Variants in PPP1R3F observed in about 807,000 individuals in gnomAD.
PPP1R3F encodes protein phosphatase 1 regulatory subunit 3F, also known as protein phosphatase 1, regulatory (inhibitor) subunit 3F.
Under a neutral mutation model 24.2 loss-of-function variants are expected in PPP1R3F, and 29 were observed. That is an observed-to-expected ratio of 1.20 (90% CI 0.89 to 1.63). PPP1R3F has a LOEUF of 1.63. PPP1R3F is among the 40% of genes most tolerant of loss of function. PPP1R3F has a pLI of 0.00. For synonymous variants in PPP1R3F, 363 were observed against 340.1 expected (o/e 1.07, Z -0.74); for missense variants, 823 against 729.3 (o/e 1.13, Z -1.48).
At position 49,270,626 on chromosome X, in the gene PPP1R3F, G is replaced by T; in HGVS notation, c.757G>T (p.Ala253Ser). The change falls in exon 1 of 4, where the codon GCG becomes TCG. Residue 253 changes from alanine (A) to serine (S), a missense_variant. Coordinates refer to ENST00000055335, the MANE Select transcript of PPP1R3F (RefSeq NM_033215.5). ...CTTCCAGCTGCCCTTTGCTGAGGGCGCGGGCGATGGGGCGCGCCTCGACTT... is the reference window on the plus strand; with the variant it reads ...CTTCCAGCTGCCCTTTGCTGAGGGCTCGGGCGATGGGGCGCGCCTCGACTT... ...FAFQLPFAEG[A>S]GDGARLDFVV... The T allele has an allele frequency of 8.3e-7, 1 of 1,206,838 alleles. No homozygotes were observed. The highest frequency in any genetic ancestry group is 1.1e-6 in the Non-Finnish European group (1 of 894,603).
At chrX:49,289,560 T>G (rs1557122134), downstream of PPP1R3F, among the ~76,000 whole-genome samples, 1 of 111,464 alleles carries the variant, frequency 9.0e-6, no homozygotes, top group East Asian at 2.8e-4. Flanking sequence ...TTATGCAAAG[T>G]TCACAAGCAG....
chrX:49,290,605 CGTT>C (rs1234730251), downstream of PPP1R3F, among the ~76,000 whole-genome samples: 1 of 111,284 alleles, frequency 9.0e-6, no homozygotes, highest in African/African-American at 3.3e-5. Context: ...TTGGGGAAAA[CGTT>C]GTACTGCCCT....
chrX:49,276,213 A>T (rs1557120002), intron 1 of PPP1R3F, among the ~76,000 whole-genome samples: 7 of 112,830 alleles, frequency 6.2e-5, no homozygotes, highest in Non-Finnish European at 1.3e-4. Flanking sequence ...GCAGGGCAAC[A>T]CTGGGCAAGT....
At chrX:49,282,192 C>A in intron 3 of PPP1R3F, 129 bp downstream of exon 3, 1 of 463,562 alleles carries the variant, frequency 2.2e-6, no homozygotes, top group Admixed American at 3.7e-5. Flanking sequence ...GCACAAAACT[C>A]AGAACCTGAT....
At position 49,269,849 on chromosome X, in the gene PPP1R3F, G is replaced by A. The variant is rs2066159137; in HGVS notation, c.-21G>A. 35 of 881,299 alleles carry A rather than the reference G, an allele frequency of 4.0e-5. No homozygotes were observed. Among genetic ancestry groups the A allele is most frequent in the Non-Finnish European group, 4.9e-5 (35 of 718,896 alleles). The allele number at this position is 881,299 out of a possible 1,213,427, so 72.6% of individuals were successfully genotyped here. ...CGCCGGTCCCGCCGCCGGTGCCGTC[G>A]GTGCCGCCGCCGCCGCCGATATGGC... On this transcript the variant is annotated 5_prime_UTR_variant, in exon 1 of 4. Coordinates refer to ENST00000055335, the MANE Select transcript of PPP1R3F (RefSeq NM_033215.5).
intron 1 of PPP1R3F, 115 bp from the exon 2 acceptor site, chrX:49,281,291 C>A: frequency 2.2e-6 from 1 of 448,272 alleles, no homozygotes; most frequent in Non-Finnish European, 3.7e-6. Flanking sequence ...GAAGAGAAAA[C>A]AGCAGCTGTC....
At chrX:49,293,723 C>T (rs1395437480) in intron 3 of PPP1R3F, among the ~76,000 whole-genome samples, 1 of 112,396 alleles carries the variant, frequency 8.9e-6, no homozygotes, top group Non-Finnish European at 1.9e-5. Context: ...TGGCCAGTCG[C>T]GGTGACTCAC....
downstream of PPP1R3F, among the ~76,000 whole-genome samples, chrX:49,291,312 C>CTG (rs1335979566): frequency 1.3e-4 from 6 of 45,704 alleles, no homozygotes; most frequent in Admixed American, 6.9e-4. Flanking sequence ...CTCTCTCTCT[C>CTG]TCTCTCTCTC....
intron 1 of PPP1R3F, among the ~76,000 whole-genome samples, chrX:49,278,576 T>G (rs964838943): frequency 3.6e-5 from 4 of 112,004 alleles, no homozygotes; most frequent in Non-Finnish European, 7.5e-5. Flanking sequence ...CCCTGTAGTA[T>G]TCTGATTCAA....
Position 49,286,513 on chromosome X carries a change from C to G in PPP1R3F, c.1823C>G (p.Ser608Cys), listed in dbSNP as rs782786639. The G allele has an allele frequency of 4.1e-6, 5 of 1,210,476 alleles. No individual in the cohort carries two copies. In the East Asian group the frequency reaches 8.9e-5, roughly 21 times the overall value. ...CCAGAAATCCTCTCCGGGGCCCGTT[C>G]TGTGGTAGCCACGATGGGAGATGTG... ...SPPEILSGAR[S>C]VVATMGDVWL... Residue 608 changes from serine (S) to cysteine (C), a missense_variant, in exon 4 of 4, where the codon TCT becomes TGT. By Grantham distance (112) the Ser-to-Cys change is moderately radical. Transcript: ENST00000055335.
chrX:49,270,948 A>C (rs1158779722), intron 1 of PPP1R3F, 75 bp downstream of exon 1: 1 of 1,034,038 alleles, frequency 9.7e-7, no homozygotes, highest in Non-Finnish European at 1.3e-6. Flanking sequence ...CGGCCCAGGA[A>C]CCCCTCAGGC....
At chrX:49,273,002 G>A (rs2066190424) in intron 1 of PPP1R3F, 2 of 108,269 alleles carry the variant, frequency 1.8e-5, no homozygotes, top group Non-Finnish European at 3.8e-5. Context: ...TTCACTCTTG[G>A]TGTTCCCAGC....
intron 3 of PPP1R3F, among the ~76,000 whole-genome samples, chrX:49,297,570 C>T (rs1483545402): frequency 9.0e-6 from 1 of 110,676 alleles, no homozygotes; most frequent in African/African-American, 3.3e-5. Flanking sequence ...AGGATGGTTT[C>T]GATCTTCTGA....
chrX:49,290,018 G>A (rs1557122180), downstream of PPP1R3F, among the ~76,000 whole-genome samples: 1 of 111,191 alleles, frequency 9.0e-6, no homozygotes, highest in East Asian at 2.8e-4. Context: ...GCAGTGGGCC[G>A]AGATCGCACC....
intron 1 of PPP1R3F, chrX:49,273,030 T>C (rs2066190557): frequency 9.3e-6 from 1 of 107,055 alleles, no homozygotes; most frequent in South Asian, 3.9e-4. Context: ...GCTTTCCTTT[T>C]ACCTTTTTTT....
At chrX:49,272,528 C>T (rs1226622141) in intron 1 of PPP1R3F, among the ~76,000 whole-genome samples, 1 of 112,634 alleles carries the variant, frequency 8.9e-6, no homozygotes, top group African/African-American at 3.2e-5. Context: ...TAGCTAGTGT[C>T]AGTATTTAGG....
chrX:49,281,902 A>C, intron 2 of PPP1R3F, 79 bp from the exon 3 acceptor site: 1 of 748,830 alleles, frequency 1.3e-6, no homozygotes, highest in Non-Finnish European at 2.0e-6. Flanking sequence ...CCAGTTGGCT[A>C]GGATGGCAGA....
At chrX:49,283,213 C>A (rs1322125856) in intron 3 of PPP1R3F, among the ~76,000 whole-genome samples, 1 of 110,831 alleles carries the variant, frequency 9.0e-6, no homozygotes, top group Admixed American at 9.6e-5. Context: ...GACATCATCC[C>A]ATCCATAAAT....
downstream of PPP1R3F, among the ~76,000 whole-genome samples, chrX:49,289,372 A>G (rs782099736): frequency 1.8e-5 from 2 of 111,990 alleles, no homozygotes; most frequent in Admixed American, 1.9e-4. Context: ...GGGAGGAGAT[A>G]ATGGAATCAC....
Sources: gnomAD v4.1 joint callset for allele counts (sites outside exome capture counted in the v4.1 genomes callset) on GRCh38, gnomAD v4.1.1 for gene constraint, MANE v1.5 for transcripts, NCBI Gene and HGNC (gene_info 2026-07-23, HGNC 2026-07-21) for gene names.